ST7: variants seen among roughly 807,000 people sequenced by gnomAD.
ST7 encodes suppression of tumorigenicity 7.
A neutral mutation model predicts 78.7 loss-of-function variants in ST7; 28 were observed. The observed-to-expected ratio is 0.36, with a 90% CI of 0.26 to 0.49. The LOEUF is 0.49. Among genes scored for constraint, ST7 ranks in the 20% least tolerant of loss-of-function variants. The probability of loss-of-function intolerance (pLI) is 0.99; values close to 1 mark genes in which losing one functional copy is unlikely to be tolerated. For missense variants in ST7, 418 were observed against 696.0 expected, an observed-to-expected ratio of 0.60 and a Z score of 4.49; for synonymous variants, 247 against 249.6, an observed-to-expected ratio of 0.99 and a Z score of 0.10.
intron 1 of ST7, among the ~76,000 whole-genome samples, chr7:116,985,782 A>G (rs1224442124): frequency 1.3e-5 from 2 of 152,244 alleles, no homozygotes; most frequent in Non-Finnish European, 2.9e-5. Flanking sequence ...GCTTTCCACA[A>G]ATAGCTGACA....
intron 9 of ST7, among the ~76,000 whole-genome samples, chr7:117,166,974 G>A (rs1196233989): frequency 6.6e-6 from 1 of 151,950 alleles, no homozygotes; most frequent in Non-Finnish European, 1.5e-5. Context: ...TGCAGATGCT[G>A]TGTGAGCAAT....
At chr7:116,978,140 A>G (rs1225233684) in intron 1 of ST7, among the ~76,000 whole-genome samples, 1 of 152,150 alleles carries the variant, frequency 6.6e-6, no homozygotes, top group African/African-American at 2.4e-5. Context: ...CCAGCCTCAT[A>G]TCTTTTGGTA....
At chr7:116,989,208 T>A (rs1389832734) in intron 1 of ST7, among the ~76,000 whole-genome samples, 2 of 152,242 alleles carry the variant, frequency 1.3e-5, no homozygotes, top group Non-Finnish European at 2.9e-5. Flanking sequence ...GAGTCTGAAA[T>A]GCAGTGTGTA....
chr7:117,010,938 T>G (rs1795360129), intron 1 of ST7, among the ~76,000 whole-genome samples: 1 of 152,152 alleles, frequency 6.6e-6, no homozygotes, highest in Non-Finnish European at 1.5e-5. Flanking sequence ...AGGAGAGCTA[T>G]GTCTCAGCCC....
intron 1 of ST7, among the ~76,000 whole-genome samples, chr7:117,004,689 T>TAAAATA (rs1048849333): frequency 6.6e-6 from 1 of 152,020 alleles, no homozygotes; most frequent in East Asian, 1.9e-4. Flanking sequence ...CATACATACA[T>TAAAATA]AAAATAAAAA....
chr7:117,192,944 G>A (rs1190719462), intron 12 of ST7, among the ~76,000 whole-genome samples: 1 of 152,110 alleles, frequency 6.6e-6, no homozygotes, highest in East Asian at 1.9e-4. Context: ...AGAAGGCAGG[G>A]TAAACTACCT....
At chr7:117,170,111 T>C (rs1369343982) in intron 9 of ST7, among the ~76,000 whole-genome samples, 7 of 152,218 alleles carry the variant, frequency 4.6e-5, no homozygotes, top group Non-Finnish European at 1.0e-4. Flanking sequence ...TTCTACAGTC[T>C]GGCTTCCATC....
intron 1 of ST7, among the ~76,000 whole-genome samples, chr7:117,090,256 C>CAG (rs1238291165): frequency 1.7e-5 from 1 of 59,828 alleles, no homozygotes; most frequent in Admixed American, 1.6e-4. Flanking sequence ...CACACACAGA[C>CAG]ACACACACAC....
At chr7:116,996,783 A>C (rs1274010739) in intron 1 of ST7, among the ~76,000 whole-genome samples, 1 of 152,176 alleles carries the variant, frequency 6.6e-6, no homozygotes, top group South Asian at 2.1e-4. Context: ...TACTATTTAC[A>C]CTTTCTAGTA....
intron 1 of ST7, chr7:116,973,005 T>C: frequency 1.4e-6 from 1 of 719,894 alleles, no homozygotes. Flanking sequence ...TATTCACTTA[T>C]CCATTCATTT....
At chr7:117,096,504 C>CT (rs892154640) in intron 1 of ST7, among the ~76,000 whole-genome samples, 2 of 152,098 alleles carry the variant, frequency 1.3e-5, no homozygotes, top group Non-Finnish European at 1.5e-5. Flanking sequence ...TCCTTTTGTG[C>CT]TTTTTTTGCT....
chr7:117,053,172 CA>C (rs1186404663), intron 1 of ST7, among the ~76,000 whole-genome samples: 3 of 152,132 alleles, frequency 2.0e-5, no homozygotes, highest in Non-Finnish European at 4.4e-5. Flanking sequence ...TTTTACAGAG[CA>C]CATTGTTTTA....
At chr7:116,963,651 A>C (rs1585049714) in intron 1 of ST7, among the ~76,000 whole-genome samples, 1 of 123,778 alleles carries the variant, frequency 8.1e-6, no homozygotes, top group South Asian at 2.4e-4. Flanking sequence ...TTTTTTTTGG[A>C]GACGGAGTCT....
At chr7:117,002,904 ACT>A (rs1185224528) in intron 1 of ST7, among the ~76,000 whole-genome samples, 1 of 132,138 alleles carries the variant, frequency 7.6e-6, no homozygotes, top group Non-Finnish European at 1.5e-5. Context: ...CTCACTGCTA[ACT>A]CTGCCTCCCA....
At chr7:117,169,881 T>G (rs937718237) in intron 9 of ST7, among the ~76,000 whole-genome samples, 1 of 151,510 alleles carries the variant, frequency 6.6e-6, no homozygotes, top group African/African-American at 2.4e-5. Flanking sequence ...TCTTTAAGCT[T>G]CTTCCCTGCC....
intron 9 of ST7, among the ~76,000 whole-genome samples, chr7:117,141,196 C>T (rs1468519940): frequency 6.6e-6 from 1 of 152,152 alleles, no homozygotes; most frequent in African/African-American, 2.4e-5. Context: ...CAGCCATCTT[C>T]TCCCCATATG....
chr7:117,182,168 A>G (rs926944943), intron 10 of ST7, among the ~76,000 whole-genome samples: 4 of 152,192 alleles, frequency 2.6e-5, no homozygotes, highest in Admixed American at 6.5e-5. Context: ...GATTTGTGAT[A>G]TTGGCATATT....
rs1809702368 is a variant in ST7 at position 117,190,780 on chromosome 7, T to C, written c.1152-54T>C. ...CCCTAGATGTGTAGATGCTTCCGGG[T>C]TGATGCCCAAGCAGTGGTCCCACCT... On this transcript the variant is annotated intron_variant, in intron 11 of 15. Coordinates refer to ENST00000323984, the MANE Select transcript of ST7 (RefSeq NM_001369598.1). The surrounding 1 kb of genome is among the most constrained non-coding windows in gnomAD (Gnocchi z 5.2). 2 of 1,472,906 alleles carry C rather than the reference T, an allele frequency of 1.4e-6. No homozygotes were observed. Among genetic ancestry groups the C allele is most frequent in the Admixed American group, 1.7e-5 (1 of 59,484 alleles). 91.2% of individuals were successfully genotyped at this position (1,472,906 alleles called of 1,614,324 possible).
chr7:116,975,028 G>A (rs1793628069), intron 1 of ST7, among the ~76,000 whole-genome samples: 2 of 152,072 alleles, frequency 1.3e-5, no homozygotes, highest in South Asian at 2.1e-4. Context: ...TTAGGCTATT[G>A]CATTAGTCCA....
Sources: gnomAD v4.1 joint callset for allele counts (sites outside exome capture counted in the v4.1 genomes callset) on GRCh38, gnomAD v4.1.1 for gene constraint, Gnocchi (gnomAD v3.1) non-coding constraint, MANE v1.5 for transcripts, NCBI Gene and HGNC (gene_info 2026-07-23, HGNC 2026-07-21) for gene names.